The following SNTG1 variants were observed in gnomAD, a reference collection of about 807,000 sequenced individuals.
SNTG1 encodes gamma-1-syntrophin.
SNTG1 carries 39 observed loss-of-function variants against 74.7 expected under a neutral mutation model. The ratio of observed to expected loss-of-function variants is 0.52; its 90% confidence interval spans 0.40 to 0.68. The LOEUF is 0.68. Ranked by LOEUF, SNTG1 falls within the 30% of genes least tolerant of loss-of-function variation. The probability of loss-of-function intolerance (pLI) is 0.00; values close to 1 mark genes in which losing one functional copy is unlikely to be tolerated. For missense variants in SNTG1, 685 were observed against 609.5 expected, an observed-to-expected ratio of 1.12 and a Z score of -1.30; for synonymous variants, 254 against 217.1, an observed-to-expected ratio of 1.17 and a Z score of -1.49.
chr8:50,773,882 T>G (rs1364369283), intron 18 of SNTG1, among the ~76,000 whole-genome samples: 1 of 152,038 alleles, frequency 6.6e-6, no homozygotes, highest in Non-Finnish European at 1.5e-5. Context: ...TTTGACCAAA[T>G]AGAGAATGTT....
At chr8:50,669,583 T>G (rs1194113695) in intron 15 of SNTG1, among the ~76,000 whole-genome samples, 1 of 151,984 alleles carries the variant, frequency 6.6e-6, no homozygotes, top group African/African-American at 2.4e-5. Flanking sequence ...CAGGACCAGA[T>G]GGACTCACAG....
Position 50,419,527 on chromosome 8 carries a change from G to A in SNTG1, c.162+17183G>A, listed in dbSNP as rs185045537. 1.4e-3 allele frequency among the ~76,000 whole-genome samples: 210 copies of A among 152,282 alleles called. 1 individual carries two copies. The highest frequency in any genetic ancestry group is 0.01 in the Middle Eastern group (3 of 294). On this transcript the variant is annotated intron_variant, in intron 4 of 18. Coordinates refer to ENST00000642720, the MANE Select transcript of SNTG1 (RefSeq NM_018967.5). ...CTGAAATTCAAATCTGTGCAGCCCA[G>A]TGATAAAGAAGCCATCGCAAACAAT... is the stretch of plus-strand genomic sequence containing the variant.
chr8:50,179,139 G>A (rs7817166), intron 2 of SNTG1, among the ~76,000 whole-genome samples: 1,623 of 152,142 alleles, frequency 0.011, 31 homozygotes, highest in African/African-American at 0.037. Context: ...TGATTTTTGG[G>A]CTCTCTACTC....
At chr8:50,788,880 A>G (rs10099755) in intron 18 of SNTG1, among the ~76,000 whole-genome samples, 3 of 152,030 alleles carry the variant, frequency 2.0e-5, no homozygotes, top group East Asian at 3.9e-4. Flanking sequence ...GTTTCCATCC[A>G]TGTCCAGCCT....
intron 1 of SNTG1, among the ~76,000 whole-genome samples, chr8:50,015,719 G>A (rs1816244739): frequency 6.6e-6 from 1 of 152,028 alleles, no homozygotes; most frequent in South Asian, 2.1e-4. Context: ...ATCAAAATAG[G>A]AACCATTACA....
intron 15 of SNTG1, among the ~76,000 whole-genome samples, chr8:50,704,063 CG>C (rs1336602367): frequency 1.8e-4 from 27 of 151,996 alleles, no homozygotes; most frequent in African/African-American, 6.5e-4. Flanking sequence ...GCATCAAAGT[CG>C]TTTTTTTGAT....
chr8:50,524,428 C>T (rs766952949), intron 9 of SNTG1, among the ~76,000 whole-genome samples: 1 of 152,018 alleles, frequency 6.6e-6, no homozygotes, highest in Non-Finnish European at 1.5e-5. Flanking sequence ...AAGAAATAAT[C>T]ATGTTAATAT....
chr8:49,967,399 T>C (rs1320516399), intron 1 of SNTG1, among the ~76,000 whole-genome samples: 2 of 152,348 alleles, frequency 1.3e-5, no homozygotes, highest in East Asian at 3.9e-4. Flanking sequence ...TCTACTTCTG[T>C]AGACATGAGA....
At chr8:50,150,905 C>T (rs2082045993) in intron 1 of SNTG1, among the ~76,000 whole-genome samples, 1 of 152,132 alleles carries the variant, frequency 6.6e-6, no homozygotes, top group African/African-American at 2.4e-5. Context: ...GCTTTGGTAT[C>T]AGGATGATGC....
intron 12 of SNTG1, among the ~76,000 whole-genome samples, chr8:50,571,357 T>G (rs988804996): frequency 4.6e-5 from 7 of 152,190 alleles, no homozygotes; most frequent in African/African-American, 1.7e-4. Flanking sequence ...GTGGGGTAAT[T>G]GATCCCCAGG....
At chr8:50,202,349 T>C (rs905025311) in intron 2 of SNTG1, among the ~76,000 whole-genome samples, 4 of 152,146 alleles carry the variant, frequency 2.6e-5, no homozygotes, top group Non-Finnish European at 2.9e-5. Flanking sequence ...TCTACTCTCC[T>C]GTCCTCCCCT....
At chr8:50,530,619 G>C (rs185112755) in intron 10 of SNTG1, among the ~76,000 whole-genome samples, 1 of 152,184 alleles carries the variant, frequency 6.6e-6, no homozygotes, top group East Asian at 1.9e-4. Flanking sequence ...TTAACTAAAA[G>C]TAACTATTTA....
intron 12 of SNTG1, among the ~76,000 whole-genome samples, chr8:50,574,563 A>G (rs976749467): frequency 1.3e-4 from 20 of 152,140 alleles, no homozygotes; most frequent in African/African-American, 4.3e-4. Flanking sequence ...TTCTTTACAC[A>G]TATAAAACAA....
At chr8:50,094,177 C>T (rs149214805) in intron 1 of SNTG1, among the ~76,000 whole-genome samples, 76 of 151,996 alleles carry the variant, frequency 5.0e-4, no homozygotes, top group Middle Eastern at 3.4e-3. Context: ...CACATCAACA[C>T]TTCAAGAGTG....
chr8:50,558,450 A>T (rs975856908), intron 12 of SNTG1, among the ~76,000 whole-genome samples: 1 of 152,220 alleles, frequency 6.6e-6, no homozygotes, highest in Non-Finnish European at 1.5e-5. Context: ...AGGAAGCAAG[A>T]AAAAGAAAGG....
At chr8:50,290,389 T>A (rs896695659) in intron 2 of SNTG1, among the ~76,000 whole-genome samples, 5 of 152,216 alleles carry the variant, frequency 3.3e-5, no homozygotes, top group Non-Finnish European at 7.3e-5. Context: ...TTCTTTCTTC[T>A]TTTTAATCTC....
chr8:50,515,975 C>T (rs538938207), intron 9 of SNTG1, among the ~76,000 whole-genome samples: 1 of 152,282 alleles, frequency 6.6e-6, no homozygotes, highest in South Asian at 2.1e-4. Flanking sequence ...TCAAGTGGGT[C>T]CCTAACCCCC....
rs372755991 is a variant in SNTG1, at chr8:49,926,913, ATT to A, written c.-103+14683_-103+14684del. ...CAACAATAGGAAAATAAACCAACCA[ATT>A]AAAAAATCGGTAAAGGACCTTAACA... is the stretch of plus-strand genomic sequence containing the variant. On this transcript the variant is annotated intron_variant, in intron 1 of 18. Coordinates refer to ENST00000642720, the MANE Select transcript of SNTG1 (RefSeq NM_018967.5). Among the ~76,000 whole-genome samples, 69 of 152,314 alleles carry A rather than the reference ATT, an allele frequency of 4.5e-4. No homozygotes were observed. The East Asian group carries it at 0.011, about 25-fold the overall frequency.
chr8:50,540,484 T>C (rs1324278170), intron 11 of SNTG1, among the ~76,000 whole-genome samples: 2 of 152,326 alleles, frequency 1.3e-5, no homozygotes, highest in East Asian at 3.9e-4. Flanking sequence ...TTTAGTGCTG[T>C]GTTGTACGTA....
Sources: gnomAD v4.1 joint callset for allele counts (sites outside exome capture counted in the v4.1 genomes callset) on GRCh38, gnomAD v4.1.1 for gene constraint, MANE v1.5 for transcripts, NCBI Gene and HGNC (gene_info 2026-07-23, HGNC 2026-07-21) for gene names.